Variants in PKHD1L1 observed in about 807,000 individuals in gnomAD.
The protein encoded by PKHD1L1 is PKHD1 like 1, also known as fibrocystin-L.
In PKHD1L1, 434 loss-of-function variants were observed where a neutral mutation model predicts 462.9. The ratio of observed to expected loss-of-function variants is 0.94; its 90% CI spans 0.87 to 1.02. The LOEUF (loss-of-function observed/expected upper bound fraction) is 1.02. PKHD1L1 is among the 50% of genes least tolerant of loss of function. The pLI is 0.00. For synonymous variants in PKHD1L1, 1,781 were observed against 1,750.0 expected, an observed-to-expected ratio of 1.02 and a Z score of -0.44; for missense variants, 5,202 against 5,096.1, an observed-to-expected ratio of 1.02 and a Z score of -0.63.
At chr8:109,371,911 G>C (rs918288281) in intron 2 of PKHD1L1, among the ~76,000 whole-genome samples, 2 of 152,084 alleles carry the variant, frequency 1.3e-5, no homozygotes, top group Non-Finnish European at 2.9e-5. Context: ...CTGTAGCCTT[G>C]TAGTATAGTT....
intron 41 of PKHD1L1, 37 bp downstream of exon 41, chr8:109,451,186 T>G: frequency 6.5e-7 from 1 of 1,550,264 alleles, no homozygotes; most frequent in Non-Finnish European, 8.8e-7. Flanking sequence ...ATTGTGCATT[T>G]CCAGACTTGA....
Position 109,440,736 on chromosome 8 carries a change from A to G in PKHD1L1, c.3983A>G (p.Tyr1328Cys), listed in dbSNP as rs371131380. The change falls in exon 33 of 78, where the codon TAT becomes TGT. Residue 1328 changes from tyrosine to cysteine, a missense_variant. Physicochemically the swap from Tyr to Cys is radical, Grantham distance 194. Around this residue, in one of 3 missense-constraint regions of PKHD1L1, gnomAD observed 4,497 missense variants for 4,336.8 expected, o/e 1.04. Coordinates refer to ENST00000378402, the MANE Select transcript of PKHD1L1 (RefSeq NM_177531.6). ...GACAAATTAAATTCTTCAATACAGT[A>G]TGTTTTAGAAGTGACCAGCATGTTT... is the stretch of plus-strand genomic sequence containing the variant. ...TRDKLNSSIQ[Y>C]VLEVTSMFPQ... is the part of the protein sequence containing the mutation. 3 of 1,612,504 alleles carry G rather than the reference A, an allele frequency of 1.9e-6. No homozygotes were observed. Among genetic ancestry groups the G allele is most frequent in the Non-Finnish European group, 2.5e-6 (3 of 1,178,908 alleles).
In PKHD1L1 at chr8:109,491,071, G is replaced by T. The variant is rs776634414; in HGVS notation, c.10084G>T (p.Asp3362Tyr). 1 of 1,609,186 alleles carries T rather than the reference G, an allele frequency of 6.2e-7. No individual in the cohort carries two copies. ...VFGTDGLDID[D>Y]NIIHFTVGEG... ...TGGGACAGATGGATTGGACATAGATGACAACATCATTCACTTTACAGTGGG... is the reference window on the plus strand; with the variant it reads ...TGGGACAGATGGATTGGACATAGATTACAACATCATTCACTTTACAGTGGG... Residue 3362 changes from aspartate (D) to tyrosine (Y), a missense_variant, in exon 61 of 78, where the codon GAC becomes TAC. Transcript: ENST00000378402.
At chr8:109,405,985 A>G (rs762131290) in intron 16 of PKHD1L1, among the ~76,000 whole-genome samples, 3 of 152,214 alleles carry the variant, frequency 2.0e-5, no homozygotes, top group African/African-American at 4.8e-5. Flanking sequence ...TTGCATTTCT[A>G]TATTTTACAA....
Position 109,452,746 on chromosome 8 carries a change from C to T in PKHD1L1, c.6536C>T (p.Ala2179Val), listed in dbSNP as rs761537774. 8 of 1,539,672 alleles carry T rather than the reference C, an allele frequency of 5.2e-6. No individual in the cohort carries two copies. The East Asian group carries it at 1.7e-4, about 33-fold the overall frequency. ...LDNADFLYVD[A>V]WSSNFSWGGK... ...AATGCTGACTTTCTTTATGTTGATG[C>T]CTGGTCCTCCAATTTCTCATGGGGG... Residue 2179 changes from alanine to valine, a missense_variant, in exon 43 of 78, where the codon GCC becomes GTC. Around this residue, in one of 3 missense-constraint regions of PKHD1L1, gnomAD observed 4,497 missense variants for 4,336.8 expected, o/e 1.04. Transcript: ENST00000378402.
At chr8:109,364,746 T>G in intron 2 of PKHD1L1, 110 bp downstream of exon 2, 1 of 733,860 alleles carries the variant, frequency 1.4e-6, no homozygotes, top group East Asian at 2.7e-5. Context: ...CTGGAGTTAT[T>G]TCTTCACTTG....
chr8:109,443,829 C>G lies in PKHD1L1; in HGVS notation c.4718C>G (p.Pro1573Arg). ...CFSPSISNIT[P>R]STGTVNELIT... ...TCACCATCTATAAGCAACATTACTC[C>G]GTCCACTGGAACAGTAAATGAACTA... Residue 1573 changes from proline to arginine, a missense_variant, in exon 37 of 78, where the codon CCG (proline) becomes CGG (arginine). Coordinates refer to ENST00000378402, the MANE Select transcript of PKHD1L1 (RefSeq NM_177531.6). 1 of 1,613,768 alleles carries G rather than the reference C, an allele frequency of 6.2e-7. No homozygotes were observed. Among genetic ancestry groups the G allele is most frequent in the Non-Finnish European group, 8.5e-7 (1 of 1,179,756 alleles).
chr8:109,432,029 A>G (rs1417643549), intron 27 of PKHD1L1, among the ~76,000 whole-genome samples: 2 of 152,128 alleles, frequency 1.3e-5, no homozygotes, highest in African/African-American at 4.8e-5. Context: ...ACTTTTTAGA[A>G]ATTTTTCTAT....
At chr8:109,468,402 TA>T (rs1817556079) in intron 50 of PKHD1L1, among the ~76,000 whole-genome samples, 2 of 152,240 alleles carry the variant, frequency 1.3e-5, no homozygotes, top group Admixed American at 1.3e-4. Flanking sequence ...TAAGATTTTT[TA>T]TTTAGTTACT....
At chr8:109,381,586 A>C in intron 3 of PKHD1L1, 72 bp downstream of exon 3, 1 of 1,157,236 alleles carries the variant, frequency 8.6e-7, no homozygotes, top group Non-Finnish European at 1.2e-6. Context: ...TATTAGTATT[A>C]TAATAGTTTT....
Position 109,418,599 on chromosome 8 carries a change from T to TA in PKHD1L1, c.2361-497dup, listed in dbSNP as rs573927120. On this transcript the variant is annotated intron_variant, in intron 21 of 77. Coordinates refer to ENST00000378402, the MANE Select transcript of PKHD1L1 (RefSeq NM_177531.6). The stretch of plus-strand genomic sequence containing the variant: ...TTAAAAGGTACTGTGCAACCATTTA[T>TA]ATCTACAAATAACACCCTTCTAGCA... Among the ~76,000 whole-genome samples the TA allele has an allele frequency of 8.5e-5, 13 of 152,326 alleles. No homozygotes were observed. The South Asian group carries it at 2.5e-3, about 29-fold the overall frequency.
At chr8:109,468,551 T>A (rs908126397) in intron 50 of PKHD1L1, among the ~76,000 whole-genome samples, 1 of 152,192 alleles carries the variant, frequency 6.6e-6, no homozygotes, top group African/African-American at 2.4e-5. Flanking sequence ...CAGACCATAT[T>A]GCAAATACTC....
At position 109,464,593 on chromosome 8, in the gene PKHD1L1, G is replaced by A. The variant is rs781576322; in HGVS notation, c.7761G>A (p.Arg2587=). 1.9e-5 allele frequency: 31 copies of A among 1,612,656 alleles called. No homozygotes were observed. The highest frequency in any genetic ancestry group is 2.4e-5 in the Non-Finnish European group (28 of 1,179,770). ...GCACTCACTTTGGCTTTTGGTACCG[G>A]ATGAACAACCACCCTGATGGGCCAT... ...AGGTHFGFWY[R]MNNHPDGPSY... Residue 2587 remains arginine, a synonymous_variant, in exon 49 of 78, where the codon CGG becomes CGA. Transcript: ENST00000378402.
Position 109,508,065 on chromosome 8 carries a change from T to G in PKHD1L1, c.11228-32T>G, listed in dbSNP as rs749203389. On this transcript the variant is annotated intron_variant, in intron 69 of 77. Transcript: ENST00000378402. ...ATTTTTTTGCAAAGAGATTCTGTAT[T>G]ATTGCTAAAATATATATACATATGT... 2.6e-6 allele frequency: 4 copies of G among 1,557,284 alleles called. No individual in the cohort carries two copies. In the Admixed American group the frequency reaches 8.0e-5, roughly 31 times the overall value.
At chr8:109,466,877 T>C (rs1017660465) in intron 50 of PKHD1L1, 108 bp downstream of exon 50, 1 of 1,005,308 alleles carries the variant, frequency 9.9e-7, no homozygotes, top group Non-Finnish European at 1.4e-6. Context: ...GCAAAAAGTA[T>C]AACATTTATA....
In PKHD1L1 at chr8:109,401,607, A is replaced by G. The variant is rs774942425; in HGVS notation, c.1373+19A>G. On this transcript the variant is annotated intron_variant, in intron 14 of 77. Coordinates refer to ENST00000378402, the MANE Select transcript of PKHD1L1 (RefSeq NM_177531.6). The stretch of plus-strand genomic sequence containing the variant: ...GAAAAGAGTAAGGCTTTTTCCTGTC[A>G]TTAAATTACTGTGTGGTATTTATAA... 2.4e-5 allele frequency: 31 copies of G among 1,290,344 alleles called. No individual in the cohort carries two copies. Among genetic ancestry groups the G allele is most frequent in the East Asian group, 7.0e-5 (3 of 42,994 alleles). The allele number at this position is 1,290,344 out of a possible 1,614,324, so 79.9% of individuals were successfully genotyped here. A position where few individuals can be genotyped will look rare whatever the true frequency, so the allele number is the denominator to read the frequency against.
In PKHD1L1 at chr8:109,442,970, C is replaced by G. The variant is rs759228079; in HGVS notation, c.4418C>G (p.Ser1473Cys). ...GGTTCATTTTCTTACCAATTTACTTCTCCTGGAATCCATTATTATAGCAGC... is the reference window on the plus strand; with the variant it reads ...GGTTCATTTTCTTACCAATTTACTTGTCCTGGAATCCATTATTATAGCAGC... The part of the protein sequence containing the change: ...TSGSFSYQFT[S>C]PGIHYYSSGY... The change falls in exon 36 of 78, where the codon TCT becomes TGT. Residue 1473 changes from serine (S) to cysteine (C), a missense_variant. By Grantham distance (112) the Ser-to-Cys change is moderately radical (BLOSUM62 -1). Around this residue, in one of 3 missense-constraint regions of PKHD1L1, gnomAD observed 4,497 missense variants for 4,336.8 expected, o/e 1.04. Transcript: ENST00000378402. 10 of 1,613,194 alleles carry G rather than the reference C, an allele frequency of 6.2e-6. No homozygotes were observed. Among genetic ancestry groups the G allele is most frequent in the Non-Finnish European group, 8.5e-6 (10 of 1,179,420 alleles).
intron 55 of PKHD1L1, 26 bp downstream of exon 55, chr8:109,480,165 T>C: frequency 1.3e-6 from 2 of 1,513,210 alleles, no homozygotes; most frequent in South Asian, 1.3e-5. Context: ...TTGTAGTTTA[T>C]ATCTTTATTA....
intron 14 of PKHD1L1, among the ~76,000 whole-genome samples, chr8:109,402,451 C>T (rs536744981): frequency 6.6e-6 from 1 of 152,116 alleles, no homozygotes; most frequent in African/African-American, 2.4e-5. Flanking sequence ...ATATTTGGGG[C>T]ATCCCATTGC....
Sources: allele counts gnomAD v4.1 joint callset (sites outside exome capture counted in the v4.1 genomes callset), GRCh38; gene constraint gnomAD v4.1.1; regional missense constraint gnomAD v4.1.1; transcripts MANE v1.5; gene names NCBI Gene and HGNC (gene_info 2026-07-23, HGNC 2026-07-21).